The following ATP8A2 variants were observed in gnomAD, a reference collection of about 807,000 sequenced individuals.
The protein encoded by ATP8A2 is ATPase phospholipid transporting 8A2.
In ATP8A2, 100 loss-of-function variants were observed where a neutral mutation model predicts 165.6. That is an observed-to-expected ratio of 0.60 (90% confidence interval 0.51 to 0.71). The LOEUF (loss-of-function observed/expected upper bound fraction) is 0.71, where lower values mean the gene tolerates loss of function less well. Among genes scored for constraint, ATP8A2 ranks in the 30% least tolerant of loss-of-function variants. The pLI is 0.00. For missense variants in ATP8A2, 1,227 were observed against 1,479.5 expected (o/e 0.83, Z 2.80); for synonymous variants, 543 against 548.8 (o/e 0.99, Z 0.15).
intron 34 of ATP8A2, 28 bp downstream of exon 34, chr13:25,961,691 T>TA (rs775625066): frequency 1.3e-6 from 2 of 1,511,950 alleles, no homozygotes; most frequent in Non-Finnish European, 1.8e-6. Context: ...GCGGGGACCC[T>TA]AAGTCTGGCT....
At chr13:25,892,561 G>A (rs1364559476) in intron 33 of ATP8A2, among the ~76,000 whole-genome samples, 1 of 141,070 alleles carries the variant, frequency 7.1e-6, no homozygotes, top group Non-Finnish European at 1.5e-5. Context: ...AAAGGCAATG[G>A]AAACAACAAA....
At chr13:25,561,564 T>G (rs1463129039) in intron 15 of ATP8A2, among the ~76,000 whole-genome samples, 3 of 151,210 alleles carry the variant, frequency 2.0e-5, no homozygotes, top group Non-Finnish European at 3.0e-5. Flanking sequence ...TTCTATAGGC[T>G]TTCTTCAAAA....
chr13:25,570,893 CGCCCTGCTG>C, intron 17 of ATP8A2, 21 bp downstream of exon 17: 3 of 1,566,540 alleles, frequency 1.9e-6, no homozygotes. Context: ...TGGCCGGATG[CGCCCTGCTG>C]GCCCCTTCTC....
At chr13:25,896,309 G>A (rs1251851490) in intron 33 of ATP8A2, among the ~76,000 whole-genome samples, 3 of 152,150 alleles carry the variant, frequency 2.0e-5, no homozygotes, top group Admixed American at 1.3e-4. Flanking sequence ...TCATTCAGGA[G>A]CAGGTTGTTC....
At chr13:25,478,619 A>G (rs901199193) in intron 2 of ATP8A2, among the ~76,000 whole-genome samples, 1 of 152,180 alleles carries the variant, frequency 6.6e-6, no homozygotes, top group Non-Finnish European at 1.5e-5. Flanking sequence ...TTTATATTAG[A>G]TGTCATTAAA....
At chr13:25,970,576 T>C (rs1955889919) in intron 35 of ATP8A2, among the ~76,000 whole-genome samples, 1 of 152,218 alleles carries the variant, frequency 6.6e-6, no homozygotes, top group Non-Finnish European at 1.5e-5. Flanking sequence ...CGGTGAGGCC[T>C]TGTGCAGGAT....
At chr13:25,637,617 AAC>A (rs1220452089) in intron 24 of ATP8A2, among the ~76,000 whole-genome samples, 1 of 152,112 alleles carries the variant, frequency 6.6e-6, no homozygotes, top group Non-Finnish European at 1.5e-5. Flanking sequence ...AGGAAGCTCA[AAC>A]TGTGTGGAGC....
At chr13:25,578,968 C>A in intron 21 of ATP8A2, 69 bp downstream of exon 21, 1 of 1,064,826 alleles carries the variant, frequency 9.4e-7, no homozygotes, top group Non-Finnish European at 1.5e-6. Context: ...GTCTTGATTT[C>A]CAGGGGCACA....
intron 1 of ATP8A2, among the ~76,000 whole-genome samples, chr13:25,417,576 T>C (rs557031358): frequency 6.6e-5 from 7 of 106,728 alleles, no homozygotes; most frequent in Non-Finnish European, 1.4e-4. Flanking sequence ...ATAGCCCAAT[T>C]GTTCAATTTA....
chr13:25,966,548 T>TCC (rs1719210529), intron 34 of ATP8A2, among the ~76,000 whole-genome samples: 1 of 152,116 alleles, frequency 6.6e-6, no homozygotes, highest in Admixed American at 6.6e-5. Context: ...AGTTGAATCA[T>TCC]CCCCAGCATT....
At chr13:25,645,825 G>C (rs1487281042) in intron 24 of ATP8A2, among the ~76,000 whole-genome samples, 1 of 152,064 alleles carries the variant, frequency 6.6e-6, no homozygotes, top group African/African-American at 2.4e-5. Context: ...GACTTGTCTT[G>C]TGGCCTGTCA....
intron 15 of ATP8A2, 75 bp downstream of exon 15, chr13:25,559,840 C>A: frequency 1.7e-6 from 2 of 1,166,688 alleles, no homozygotes; most frequent in Non-Finnish European, 2.5e-6. Context: ...TATTCATTTA[C>A]ATTTTTAGAG....
rs1243662891 is a variant in ATP8A2, at chr13:25,551,501, T to G, written c.1055T>G (p.Met352Arg). Residue 352 changes from methionine (M) to arginine (R), a missense_variant and splice_region_variant, in exon 11 of 37, where the codon ATG (methionine) becomes AGG (arginine). This residue lies in a region of ATP8A2 where 592 missense variants were observed against 785.6 expected (regional missense o/e 0.75). Coordinates refer to ENST00000381655, the MANE Select transcript of ATP8A2 (RefSeq NM_016529.6). The part of the protein sequence containing the change: ...HGEKNWYIKK[M>R]DTTSDNFGYN... ...GAAAAGAACTGGTACATCAAGAAGA[T>G]GGGTAAGTGTCGGGGTGGGTTGCTT... The G allele has an allele frequency of 1.3e-6, 2 of 1,599,284 alleles. No individual in the cohort carries two copies. Among genetic ancestry groups the G allele is most frequent in the Admixed American group, 3.4e-5 (2 of 58,938 alleles).
chr13:25,559,114 A>T, intron 14 of ATP8A2, 53 bp downstream of exon 14: 1 of 1,292,008 alleles, frequency 7.7e-7, no homozygotes, highest in Non-Finnish European at 1.1e-6. Flanking sequence ...TCAAGAAAAT[A>T]AGTTTATTTT....
chr13:25,563,857 T>A, intron 15 of ATP8A2, 99 bp from the exon 16 acceptor site: 1 of 782,192 alleles, frequency 1.3e-6, no homozygotes, highest in Non-Finnish European at 2.2e-6. Flanking sequence ...CCTATAGGAC[T>A]TTAGGTATGG....
chr13:25,568,737 A>G (rs999763501), intron 16 of ATP8A2, among the ~76,000 whole-genome samples: 2 of 152,174 alleles, frequency 1.3e-5, no homozygotes, highest in Non-Finnish European at 2.9e-5. Flanking sequence ...TGAATTTTAT[A>G]CTTACAAATG....
chr13:25,641,998 G>A (rs2041537949), intron 24 of ATP8A2, among the ~76,000 whole-genome samples: 1 of 152,082 alleles, frequency 6.6e-6, no homozygotes, highest in Non-Finnish European at 1.5e-5. Flanking sequence ...CAAGAAATGG[G>A]GAAAGGATTC....
In ATP8A2 at chr13:25,888,536, C is replaced by T. The variant is rs142688323; in HGVS notation, c.3183+26128C>T. ...TATACAATGTGCTCAAATGTTTTAC[C>T]GCTGGGTTCAACCCAGTTAGTATAT... On this transcript the variant is annotated intron_variant, in intron 33 of 36. Transcript: ENST00000381655. 2.2e-3 allele frequency among the ~76,000 whole-genome samples: 336 copies of T among 152,234 alleles called. 2 individuals carry two copies. Among genetic ancestry groups the T allele is most frequent in the African/African-American group, 7.4e-3 (306 of 41,542 alleles).
chr13:25,399,797 TTTC>T (rs925897301), intron 1 of ATP8A2, among the ~76,000 whole-genome samples: 7 of 151,234 alleles, frequency 4.6e-5, no homozygotes, highest in East Asian at 1.9e-4. Flanking sequence ...CCTCTTCTTC[TTTC>T]TTCTTCTCCT....
Sources: gnomAD v4.1 joint callset for allele counts (sites outside exome capture counted in the v4.1 genomes callset) on GRCh38, gnomAD v4.1.1 for gene constraint, gnomAD v4.1.1 regional missense constraint, MANE v1.5 for transcripts, NCBI Gene and HGNC (gene_info 2026-07-23, HGNC 2026-07-21) for gene names.